The following SPOCK1 variants were observed in gnomAD, a reference collection of about 807,000 sequenced individuals.
SPOCK1 encodes the protein SPARC (osteonectin), cwcv and kazal like domains proteoglycan 1, also known as testican-1.
Under a neutral mutation model 55.3 loss-of-function variants are expected in SPOCK1, and 23 were observed. That is an observed-to-expected ratio of 0.42 (90% CI 0.30 to 0.59). SPOCK1 has a LOEUF of 0.59. Ranked by LOEUF, SPOCK1 falls within the 20% of genes least tolerant of loss-of-function variation. The pLI, the probability that SPOCK1 is intolerant of heterozygous loss-of-function variation, is 0.22. For synonymous variants in SPOCK1, 226 were observed against 221.0 expected (o/e 1.02, Z -0.20); for missense variants, 499 against 552.5 (o/e 0.90, Z 0.97).
At chr5:137,002,044 A>G (rs540776968) in intron 6 of SPOCK1, among the ~76,000 whole-genome samples, 1 of 152,302 alleles carries the variant, frequency 6.6e-6, no homozygotes, top group Non-Finnish European at 1.5e-5. Flanking sequence ...TCCTTAGAGA[A>G]TGCGTCATTT....
intron 2 of SPOCK1, chr5:137,365,351 C>T (rs142950165): frequency 5.3e-5 from 8 of 152,366 alleles, no homozygotes; most frequent in African/African-American, 1.9e-4. Context: ...GTTCACCTTC[C>T]AAGGGGCAGT....
intron 2 of SPOCK1, among the ~76,000 whole-genome samples, chr5:137,337,984 T>C (rs1406078648): frequency 6.6e-6 from 1 of 152,208 alleles, no homozygotes; most frequent in African/African-American, 2.4e-5. Context: ...TGTTTCTCTA[T>C]CTGCAGATTG....
intron 2 of SPOCK1, among the ~76,000 whole-genome samples, chr5:137,303,533 C>G (rs1321894838): frequency 6.6e-6 from 1 of 152,212 alleles, no homozygotes; most frequent in Admixed American, 6.5e-5. Context: ...CAAGTAATTA[C>G]AGCGATTGAG....
chr5:137,247,046 T>C (rs1213747502), intron 3 of SPOCK1, among the ~76,000 whole-genome samples: 1 of 152,210 alleles, frequency 6.6e-6, no homozygotes, highest in Admixed American at 6.5e-5. Flanking sequence ...GGAGGACATC[T>C]AAAGTTGAAG....
intron 2 of SPOCK1, among the ~76,000 whole-genome samples, chr5:137,403,295 C>A (rs906451053): frequency 2.0e-5 from 3 of 152,174 alleles, no homozygotes; most frequent in Non-Finnish European, 4.4e-5. Flanking sequence ...AGAAAGACAA[C>A]CTCCAATTCC....
chr5:136,978,898 A>G, intron 10 of SPOCK1, 54 bp from the exon 11 acceptor site: 2 of 1,520,058 alleles, frequency 1.3e-6, no homozygotes, highest in Non-Finnish European at 1.8e-6. Flanking sequence ...CTCATGACCC[A>G]CGTCAGGGGT....
intron 2 of SPOCK1, among the ~76,000 whole-genome samples, chr5:137,446,146 C>T (rs954874551): frequency 6.6e-6 from 1 of 152,062 alleles, no homozygotes; most frequent in African/African-American, 2.4e-5. Flanking sequence ...AAATGTCACA[C>T]CAAAAAACAG....
intron 3 of SPOCK1, among the ~76,000 whole-genome samples, chr5:137,181,701 CA>C (rs143631783): frequency 5.7e-4 from 87 of 152,380 alleles, no homozygotes; most frequent in Admixed American, 1.6e-3. Context: ...AGCTGACAAA[CA>C]GGCTTACTGC....
intron 2 of SPOCK1, among the ~76,000 whole-genome samples, chr5:137,427,923 A>G (rs1357807134): frequency 6.6e-6 from 1 of 151,752 alleles, no homozygotes; most frequent in Non-Finnish European, 1.5e-5. Flanking sequence ...AAAAAAAAAA[A>G]AAAAGGCAGA....
chr5:137,498,680 T>A, intron 1 of SPOCK1, 122 bp from the exon 2 acceptor site: 1 of 783,356 alleles, frequency 1.3e-6, no homozygotes, highest in Non-Finnish European at 1.6e-6. Context: ...CGGGCAGCGC[T>A]CGCGCACCTG....
At chr5:137,191,685 T>C (rs775398673) in intron 3 of SPOCK1, among the ~76,000 whole-genome samples, 17 of 152,144 alleles carry the variant, frequency 1.1e-4, no homozygotes, top group Non-Finnish European at 2.2e-4. Flanking sequence ...TTTTTCATAA[T>C]AGAAAATGGC....
chr5:137,199,296 A>G (rs923272492), intron 3 of SPOCK1, among the ~76,000 whole-genome samples: 4 of 152,102 alleles, frequency 2.6e-5, no homozygotes, highest in African/African-American at 7.2e-5. Flanking sequence ...CATGCCTCCA[A>G]TATCATCAAT....
chr5:137,079,536 C>CA (rs142340469), intron 5 of SPOCK1, among the ~76,000 whole-genome samples: 52 of 113,882 alleles, frequency 4.6e-4, no homozygotes, highest in East Asian at 2.4e-3. Flanking sequence ...ATCTGATTCC[C>CA]CCCCCCCCCG....
At chr5:137,293,045 T>C (rs1757403186) in intron 2 of SPOCK1, among the ~76,000 whole-genome samples, 1 of 151,570 alleles carries the variant, frequency 6.6e-6, no homozygotes, top group African/African-American at 2.4e-5. Flanking sequence ...TTAAGAAAAC[T>C]GTGGCCACTG....
At chr5:137,126,733 C>T (rs1253819836) in intron 4 of SPOCK1, among the ~76,000 whole-genome samples, 1 of 152,130 alleles carries the variant, frequency 6.6e-6, no homozygotes, top group East Asian at 1.9e-4. Flanking sequence ...GTCTGGGCAA[C>T]AAGAACGAAA....
At chr5:137,417,720 T>C (rs930746013) in intron 2 of SPOCK1, among the ~76,000 whole-genome samples, 1 of 152,216 alleles carries the variant, frequency 6.6e-6, no homozygotes, top group Non-Finnish European at 1.5e-5. Flanking sequence ...CTCAAAAATT[T>C]ATTCCTTTCT....
At chr5:137,096,672 G>A (rs1371392038) in intron 5 of SPOCK1, among the ~76,000 whole-genome samples, 4 of 152,232 alleles carry the variant, frequency 2.6e-5, no homozygotes, top group Non-Finnish European at 4.4e-5. Context: ...CCAAGCCATC[G>A]TTTGCACTCA....
chr5:137,164,593 T>G (rs1033210995), intron 3 of SPOCK1, among the ~76,000 whole-genome samples: 4 of 152,108 alleles, frequency 2.6e-5, no homozygotes, highest in Admixed American at 1.3e-4. Context: ...CACAGTGAGA[T>G]AGAGTACCAA....
At chr5:137,357,997 C>T (rs1750855431) in intron 2 of SPOCK1, among the ~76,000 whole-genome samples, 1 of 152,014 alleles carries the variant, frequency 6.6e-6, no homozygotes, top group Non-Finnish European at 1.5e-5. Flanking sequence ...AAAAAAAAGA[C>T]CAGAAATTTG....
Sources: gnomAD v4.1 joint callset for allele counts (sites outside exome capture counted in the v4.1 genomes callset) on GRCh38, gnomAD v4.1.1 for gene constraint, MANE v1.5 for transcripts, NCBI Gene and HGNC (gene_info 2026-07-23, HGNC 2026-07-21) for gene names.